RAB44: variants seen among roughly 807,000 people sequenced by gnomAD.
The protein encoded by RAB44 is ras-related protein Rab-44.
A neutral mutation model predicts 93.3 loss-of-function variants in RAB44; 67 were observed. The ratio of observed to expected loss-of-function variants is 0.72; its 90% CI spans 0.59 to 0.88. The LOEUF (loss-of-function observed/expected upper bound fraction) is 0.88. Among genes scored for constraint, RAB44 ranks in the 40% least tolerant of loss-of-function variants. The pLI is 0.00. For missense variants in RAB44, 1,064 were observed against 1,261.7 expected (o/e 0.84, Z 2.37); for synonymous variants, 427 against 520.3 (o/e 0.82, Z 2.44).
At chr6:36,714,767 C>T (rs1441319538) in intron 3 of RAB44, among the ~76,000 whole-genome samples, 2 of 152,234 alleles carry the variant, frequency 1.3e-5, no homozygotes, top group Admixed American at 6.5e-5. Flanking sequence ...CCAGGAACTT[C>T]CCAGTGCCTG....
At chr6:36,708,075 G>A (rs758928158) in intron 2 of RAB44, among the ~76,000 whole-genome samples, 3 of 152,042 alleles carry the variant, frequency 2.0e-5, no homozygotes, top group African/African-American at 4.8e-5. Flanking sequence ...AGCCAGGTGT[G>A]GTGGTGTGCA....
At position 36,717,739 on chromosome 6, in the gene RAB44, A is replaced by AGTGGGGACTGAGTGATGGGGTG. The variant is rs70975176; in HGVS notation, c.642-288_642-267dup. ...AGGGCAGGAGGACGGTGAAAGAGGG[A>AGTGGGGACTGAGTGATGGGGTG]GTGGGGACTGAGTGATGGGGTGATG... On this transcript the variant is annotated intron_variant, in intron 5 of 13. Transcript: ENST00000612677. This position sits in a 1 kb window ranked among gnomAD's most constrained non-coding sequence, Gnocchi z 4.1. Among the ~76,000 whole-genome samples the AGTGGGGACTGAGTGATGGGGTG allele has an allele frequency of 0.5, 75,235 of 149,546 alleles. 20,493 individuals are homozygous for AGTGGGGACTGAGTGATGGGGTG. The highest frequency in any genetic ancestry group is 0.62 in the Non-Finnish European group (41,712 of 67,126).
intron 1 of RAB44, among the ~76,000 whole-genome samples, chr6:36,700,991 A>G (rs12528085): frequency 0.51 from 77,204 of 152,082 alleles, 19,841 homozygotes; most frequent in East Asian, 0.63. Context: ...GCAACATGGG[A>G]TGAATTAGGG....
intron 10 of RAB44, among the ~76,000 whole-genome samples, chr6:36,726,980 T>G (rs139745480): frequency 6.6e-6 from 1 of 151,034 alleles, no homozygotes; most frequent in African/African-American, 2.4e-5. Flanking sequence ...TTTGTATTTT[T>G]AGTAGACACA....
At chr6:36,709,539 G>A (rs1225941589) in intron 2 of RAB44, among the ~76,000 whole-genome samples, 2 of 150,968 alleles carry the variant, frequency 1.3e-5, no homozygotes, top group Non-Finnish European at 1.5e-5. Flanking sequence ...AGCATCTGTA[G>A]TTAATTGAAC....
At chr6:36,727,432 A>C in intron 10 of RAB44, 145 bp from the exon 11 acceptor site, 3 of 595,196 alleles carry the variant, frequency 5.0e-6, no homozygotes, top group South Asian at 4.0e-5. Flanking sequence ...CCTAGTCAAC[A>C]ATAACTACAC....
At chr6:36,713,473 G>T (rs551441430) in intron 2 of RAB44, among the ~76,000 whole-genome samples, 14 of 152,318 alleles carry the variant, frequency 9.2e-5, no homozygotes, top group Admixed American at 3.3e-4. Flanking sequence ...TGGGATTACA[G>T]GCTTGAGCCA....
At chr6:36,710,633 C>T (rs570953218) in intron 2 of RAB44, among the ~76,000 whole-genome samples, 2 of 104,834 alleles carry the variant, frequency 1.9e-5, no homozygotes, top group South Asian at 5.6e-4. Context: ...CTGCAACCTC[C>T]GCCTCCTGGG....
intron 2 of RAB44, among the ~76,000 whole-genome samples, chr6:36,707,436 A>G (rs1762676521): frequency 6.6e-6 from 1 of 152,190 alleles, no homozygotes; most frequent in Non-Finnish European, 1.5e-5. Flanking sequence ...GCTTCCTTAC[A>G]GATCTATTAA....
Position 36,733,108 on chromosome 6 carries a change from G to A in RAB44, c.*1015G>A, listed in dbSNP as rs1214019460. 6.6e-6 allele frequency: 1 copy of A among 152,246 alleles called. No individual in the cohort carries two copies. The highest frequency in any genetic ancestry group is 2.4e-5 in the African/African-American group (1 of 41,450). The allele number at this position is 152,246 out of a possible 1,614,324, so 9.4% of individuals were successfully genotyped here. A position where few individuals can be genotyped will look rare whatever the true frequency, so the allele number is the denominator to read the frequency against. On this transcript the variant is annotated 3_prime_UTR_variant, in exon 14 of 14. Transcript: ENST00000612677. ...AGAGCTTGCTTTAGAGTCTTGGAGA[G>A]ACGGCCATGGTCTTCGTTTGTATGT... is the stretch of plus-strand genomic sequence containing the variant.
At position 36,732,071 on chromosome 6, in the gene RAB44, A is replaced by T; in HGVS notation, c.3044A>T (p.Lys1015Met). 8.1e-7 allele frequency: 1 copy of T among 1,234,372 alleles called. No individual in the cohort carries two copies. Among genetic ancestry groups the T allele is most frequent in the South Asian group, 4.1e-5 (1 of 24,406 alleles). The allele number at this position is 1,234,372 out of a possible 1,614,324, so 76.5% of individuals were successfully genotyped here. Residue 1015 changes from lysine to methionine, a missense_variant, in exon 14 of 14, where the codon AAG becomes ATG. Transcript: ENST00000612677. ...AAGGTGGCCCCCAAGAGGCCGCCCAAGAGATTCGGCTGTTGCTCCTGATCA... is the reference window on the plus strand; with the variant it reads ...AAGGTGGCCCCCAAGAGGCCGCCCATGAGATTCGGCTGTTGCTCCTGATCA... ...LVKVAPKRPPKRFGCCS is the reference protein window; with the variant it reads ...LVKVAPKRPPMRFGCCS
Position 36,722,562 on chromosome 6 carries a change from G to C in RAB44, c.2428G>C (p.Glu810Gln). ...RLEDPGMDSR[E>Q]AGLTPSPGDP... is the part of the protein sequence containing the mutation. ...TGAAGATCCAGGAATGGACTCCAGG[G>C]AAGCTGGGCTGACCCCATCCCCGGG... The change falls in exon 9 of 14, where the codon GAA becomes CAA. Residue 810 changes from glutamate to glutamine, a missense_variant. Glu to Gln is a conservative substitution (Grantham distance 29). Coordinates refer to ENST00000612677, the MANE Select transcript of RAB44 (RefSeq NM_001257357.2). The C allele has an allele frequency of 6.5e-7, 1 of 1,548,992 alleles. No homozygotes were observed.
intron 7 of RAB44, 124 bp from the exon 8 acceptor site, chr6:36,720,239 T>G: frequency 1.2e-6 from 1 of 803,884 alleles, no homozygotes; most frequent in Non-Finnish European, 1.7e-6. Context: ...ACTACTCTGA[T>G]TTAAGCTGGG....
rs1207810222 is a variant in RAB44 at position 36,721,352 on chromosome 6, G to C, written c.1218G>C (p.Val406=). The change falls in exon 9 of 14, where the codon GTG becomes GTC. Residue 406 remains valine, a synonymous_variant. Transcript: ENST00000612677. ...RATSGPQTPR[V]VRQISISEPQ... ...CCTCAGGCCCCCAGACACCCCGTGT[G>C]GTCAGGCAGATCTCCATCTCGGAGC... The C allele has an allele frequency of 8.1e-7, 1 of 1,233,980 alleles. No homozygotes were observed. The highest frequency in any genetic ancestry group is 1.0e-6 in the Non-Finnish European group (1 of 988,124). 76.4% of individuals were successfully genotyped at this position (1,233,980 alleles called of 1,614,324 possible).
In RAB44 at chr6:36,713,845, C is replaced by T. The variant is rs780386094; in HGVS notation, c.225C>T (p.Phe75=). The change falls in exon 3 of 14, where the codon TTC becomes TTT. Residue 75 remains phenylalanine, a synonymous_variant. Transcript: ENST00000612677. ...REDLAVAKFS[F]LGSKEESEMI... ...CCTTCCAGGTGGCCAAGTTCAGCTT[C>T]CTGGGCAGCAAGGAAGAGTCAGAGA... 2.3e-5 allele frequency: 35 copies of T among 1,535,918 alleles called. No individual in the cohort carries two copies. The South Asian group carries it at 4.0e-4, about 18-fold the overall frequency.
At chr6:36,728,135 T>G (rs907829304) in intron 11 of RAB44, among the ~76,000 whole-genome samples, 2 of 152,104 alleles carry the variant, frequency 1.3e-5, no homozygotes, top group African/African-American at 4.8e-5. Flanking sequence ...CTCTGGAAGT[T>G]TCTAGTTTAG....
chr6:36,717,125 T>C lies in RAB44; in HGVS notation c.495-148T>C. On this transcript the variant is annotated intron_variant, in intron 4 of 13. Transcript: ENST00000612677. This position sits in a 1 kb window ranked among gnomAD's most constrained non-coding sequence, Gnocchi z 4.1. ...GTTCCTGGAGGAGGTGGCGTTTTAG[T>C]TGCATCTTGTAGGGTGTCAATAGAT... is the stretch of plus-strand genomic sequence containing the variant. 1.4e-6 allele frequency: 1 copy of C among 695,678 alleles called. No homozygotes were observed. The highest frequency in any genetic ancestry group is 1.8e-5 in the African/African-American group (1 of 54,174). The allele number at this position is 695,678 out of a possible 1,614,324, so 43.1% of individuals were successfully genotyped here.
chr6:36,716,771 A>G (rs114033581), intron 4 of RAB44, among the ~76,000 whole-genome samples: 2,558 of 152,308 alleles, frequency 0.017, 64 homozygotes, highest in African/African-American at 0.053. Context: ...TCTGGCATCC[A>G]TCCTCATGAC....
intron 1 of RAB44, among the ~76,000 whole-genome samples, chr6:36,701,241 C>T (rs990676237): frequency 3.3e-5 from 5 of 152,102 alleles, no homozygotes; most frequent in African/African-American, 1.2e-4. Flanking sequence ...TCCCTAATAG[C>T]TAGAACTTCA....
Sources: allele counts gnomAD v4.1 joint callset (sites outside exome capture counted in the v4.1 genomes callset), GRCh38; gene constraint gnomAD v4.1.1; non-coding constraint Gnocchi (gnomAD v3.1); transcripts MANE v1.5; gene names NCBI Gene and HGNC (gene_info 2026-07-23, HGNC 2026-07-21).